ARHGEF10: variants seen among roughly 807,000 people sequenced by gnomAD.
The protein encoded by ARHGEF10 is Rho guanine nucleotide exchange factor (GEF) 10.
Under a neutral mutation model 147.4 loss-of-function variants are expected in ARHGEF10, and 140 were observed. That is an observed-to-expected ratio of 0.95 (90% CI 0.83 to 1.09). The LOEUF is 1.09. ARHGEF10 is among the 50% of genes least tolerant of loss of function. ARHGEF10 has a pLI of 0.00. For synonymous variants in ARHGEF10, 902 were observed against 695.8 expected, an observed-to-expected ratio of 1.30 and a Z score of -4.67; for missense variants, 2,222 against 1,752.7, an observed-to-expected ratio of 1.27 and a Z score of -4.78.
intron 18 of ARHGEF10, among the ~76,000 whole-genome samples, chr8:1,922,136 G>A (rs531915665): frequency 6.6e-6 from 1 of 152,074 alleles, no homozygotes; most frequent in Admixed American, 6.5e-5. Flanking sequence ...GGAAGTATTT[G>A]AACATTACTT....
rs1011542098 is a variant in ARHGEF10 at position 1,929,233 on chromosome 8, G to A, written c.2922-53G>A. On this transcript the variant is annotated intron_variant, in intron 24 of 28. Coordinates refer to ENST00000349830, the MANE Select transcript of ARHGEF10 (RefSeq NM_014629.4). Reference sequence around the variant, plus strand: ...TGTGTTTATGTTAACAGGCACCCTCGTTCTTGTTACAACGAGCAAATATAT... The same window carrying A: ...TGTGTTTATGTTAACAGGCACCCTCATTCTTGTTACAACGAGCAAATATAT... 12 of 1,592,000 alleles carry A rather than the reference G, an allele frequency of 7.5e-6. No homozygotes were observed. The Admixed American group carries it at 1.0e-4, about 13-fold the overall frequency.
chr8:1,929,217 G>A, intron 24 of ARHGEF10, 69 bp from the exon 25 acceptor site: 2 of 1,528,826 alleles, frequency 1.3e-6, no homozygotes, highest in Non-Finnish European at 1.8e-6. Context: ...TTGTGTTTAT[G>A]TTAACAGGCA....
chr8:1,892,762 C>T (rs567846768), intron 11 of ARHGEF10, among the ~76,000 whole-genome samples: 14 of 152,026 alleles, frequency 9.2e-5, no homozygotes, highest in South Asian at 2.1e-4. Context: ...TGCGGGAGTG[C>T]GCATGCTGGT....
rs532581682 is a variant in ARHGEF10 at position 1,882,646 on chromosome 8, C to T, written c.972C>T (p.Leu324=). The T allele has an allele frequency of 1.8e-4, 280 of 1,553,614 alleles. No individual in the cohort carries two copies. Among genetic ancestry groups the T allele is most frequent in the Non-Finnish European group, 2.3e-4 (261 of 1,148,086 alleles). ...CCTCTCCGTCGCAGATGCAGAAGCT[C>T]GTGAAGGCCGCGAAGGACGGCACCA... ...RQKHELKMQK[L]VKAAKDGTKD... Residue 324 remains leucine, a synonymous_variant, in exon 10 of 29, where the codon CTC becomes CTT. Transcript: ENST00000349830.
intron 14 of ARHGEF10, among the ~76,000 whole-genome samples, chr8:1,897,791 T>A (rs1029284205): frequency 1.3e-5 from 2 of 152,234 alleles, no homozygotes; most frequent in South Asian, 2.1e-4. Flanking sequence ...GTGACCGCAG[T>A]GCCCACTCCT....
chr8:1,836,832 C>G (rs762194620), intron 1 of ARHGEF10, among the ~76,000 whole-genome samples: 1 of 152,128 alleles, frequency 6.6e-6, no homozygotes, highest in African/African-American at 2.4e-5. Context: ...TGGTCTTTCC[C>G]GTGATATTCT....
chr8:1,914,346 A>G (rs1015299325), intron 18 of ARHGEF10, among the ~76,000 whole-genome samples: 17 of 152,242 alleles, frequency 1.1e-4, no homozygotes, highest in Admixed American at 6.5e-4. Context: ...GTCCAGCCAC[A>G]GCCCTGAGGG....
intron 1 of ARHGEF10, among the ~76,000 whole-genome samples, chr8:1,838,147 C>T (rs1013900772): frequency 4.6e-5 from 7 of 152,136 alleles, no homozygotes; most frequent in African/African-American, 1.2e-4. Context: ...TGGGATCCAC[C>T]GGGGGTGCCG....
At chr8:1,907,044 C>A (rs1810951222) in intron 17 of ARHGEF10, among the ~76,000 whole-genome samples, 1 of 152,338 alleles carries the variant, frequency 6.6e-6, no homozygotes, top group Non-Finnish European at 1.5e-5. Flanking sequence ...AGAAGTGAAG[C>A]CCACTGCACC....
At chr8:1,869,713 G>T (rs1806928835) in intron 7 of ARHGEF10, 1 of 263,594 alleles carries the variant, frequency 3.8e-6, no homozygotes, top group South Asian at 4.1e-5. Context: ...CCATACCTAG[G>T]CCGATGCAAT....
Position 1,937,567 on chromosome 8 carries a change from ATAAC to A in ARHGEF10, c.3222+3629_3222+3632del, listed in dbSNP as rs1813719091. Among the ~76,000 whole-genome samples the A allele has an allele frequency of 6.6e-6, 1 of 152,238 alleles. No individual in the cohort carries two copies. The highest frequency in any genetic ancestry group is 1.5e-5 in the Non-Finnish European group (1 of 68,050). ...CTTTCCTTGCATTTTTAGTACCAAA[ATAAC>A]TAAATACATTTTTAGAAAGAAGCAA... On this transcript the variant is annotated intron_variant, in intron 26 of 28. Transcript: ENST00000349830. This position sits in a 1 kb window ranked among gnomAD's most constrained non-coding sequence, Gnocchi z 4.9.
intron 4 of ARHGEF10, among the ~76,000 whole-genome samples, chr8:1,861,446 C>T (rs953470640): frequency 6.6e-6 from 1 of 152,180 alleles, no homozygotes; most frequent in African/African-American, 2.4e-5. Context: ...GCGTCTCAGC[C>T]GAAGTTTTCC....
chr8:1,843,661 G>T (rs1804271328), intron 2 of ARHGEF10, among the ~76,000 whole-genome samples: 1 of 152,336 alleles, frequency 6.6e-6, no homozygotes, highest in South Asian at 2.1e-4. Flanking sequence ...AGGTGCTGCT[G>T]TATTGCTCTT....
chr8:1,908,710 A>T (rs1811112689), intron 17 of ARHGEF10, among the ~76,000 whole-genome samples: 2 of 149,976 alleles, frequency 1.3e-5, no homozygotes, highest in South Asian at 4.1e-4. Flanking sequence ...TTTCCACTAG[A>T]CTGTACATAT....
intron 8 of ARHGEF10, among the ~76,000 whole-genome samples, chr8:1,879,582 T>C (rs1313303518): frequency 6.6e-6 from 1 of 151,356 alleles, no homozygotes; most frequent in Non-Finnish European, 1.5e-5. Context: ...AGACAGGGTC[T>C]TACTCTGTCT....
At position 1,876,036 on chromosome 8, in the gene ARHGEF10, T is replaced by C. The variant is rs149015052; in HGVS notation, c.680-535T>C. On this transcript the variant is annotated intron_variant, in intron 7 of 28. Transcript: ENST00000349830. ...CATTTTCATTCTCTAAAAGTCTTGT[T>C]AGTGTCACAGCATTGAAAATTTAAA... 6.6e-3 allele frequency: 1,089 copies of C among 165,004 alleles called. 9 individuals are homozygous for C. Among genetic ancestry groups the C allele is most frequent in the African/African-American group, 0.025 (1,037 of 41,748 alleles). 10.2% of individuals were successfully genotyped at this position (165,004 alleles called of 1,614,324 possible). A position where few individuals can be genotyped will look rare whatever the true frequency, so the allele number is the denominator to read the frequency against.
At chr8:1,946,191 TGAG>T (rs1814575649) in intron 27 of ARHGEF10, among the ~76,000 whole-genome samples, 1 of 152,084 alleles carries the variant, frequency 6.6e-6, no homozygotes, top group African/African-American at 2.4e-5. Flanking sequence ...AGGAAAGAAA[TGAG>T]GAGGGGGCCC....
At chr8:1,903,788 T>C in intron 16 of ARHGEF10, 1 of 370,894 alleles carries the variant, frequency 2.7e-6, no homozygotes, top group South Asian at 2.4e-5. Context: ...CAGATAGTAA[T>C]AGTTAAAGCT....
chr8:1,833,436 A>AGGCAGG (rs1803388884), intron 1 of ARHGEF10, among the ~76,000 whole-genome samples: 2 of 151,760 alleles, frequency 1.3e-5, no homozygotes, highest in African/African-American at 4.8e-5. Context: ...ACAGAGACAG[A>AGGCAGG]GGCAGGGGCA....
Sources: gnomAD v4.1 joint callset for allele counts (sites outside exome capture counted in the v4.1 genomes callset) on GRCh38, gnomAD v4.1.1 for gene constraint, Gnocchi (gnomAD v3.1) non-coding constraint, MANE v1.5 for transcripts, NCBI Gene and HGNC (gene_info 2026-07-23, HGNC 2026-07-21) for gene names.